The following SH3TC2 variants were observed in gnomAD, a reference collection of about 807,000 sequenced individuals.
The protein encoded by SH3TC2 is SH3 domain and tetratricopeptide repeat-containing protein 2.
SH3TC2 carries 87 observed loss-of-function variants against 124.5 expected under a neutral mutation model. The ratio of observed to expected loss-of-function variants is 0.70; its 90% confidence interval spans 0.59 to 0.84. SH3TC2 has a LOEUF of 0.84. SH3TC2 is among the 40% of genes least tolerant of loss of function. SH3TC2 has a pLI of 0.00. For synonymous variants in SH3TC2, 634 were observed against 628.5 expected, an observed-to-expected ratio of 1.01 and a Z score of -0.13; for missense variants, 1,536 against 1,566.4, an observed-to-expected ratio of 0.98 and a Z score of 0.33.
intron 13 of SH3TC2, among the ~76,000 whole-genome samples, chr5:149,011,675 G>T (rs982361523): frequency 6.6e-6 from 1 of 152,202 alleles, no homozygotes; most frequent in Middle Eastern, 3.2e-3. Flanking sequence ...TACATAGGAA[G>T]CATGCAATCA....
chr5:149,038,382 A>G lies in SH3TC2; in HGVS notation c.914T>C (p.Leu305Pro), dbSNP rs1299252562. The G allele has an allele frequency of 6.2e-6, 10 of 1,614,072 alleles. No individual in the cohort carries two copies. The highest frequency in any genetic ancestry group is 8.5e-6 in the Non-Finnish European group (10 of 1,180,038). ...TGTCGACTTTCCAATGAACCACTGAAGCCCAGGTATGACAAAGCCGATGAT... is the reference window on the plus strand; with the variant it reads ...TGTCGACTTTCCAATGAACCACTGAGGCCCAGGTATGACAAAGCCGATGAT... ...IEIIGFVIPG[L>P]QWFIGKSTSS... is the part of the protein sequence containing the mutation. The change falls in exon 8 of 17, where the codon CTT becomes CCT. Residue 305 changes from leucine (L) to proline (P), a missense_variant. Around this residue, in one of 3 missense-constraint regions of SH3TC2, gnomAD observed 1,102 missense variants for 1,098.6 expected, o/e 1.00. Transcript: ENST00000515425.
chr5:149,022,734 T>G (rs540294110), intron 12 of SH3TC2, among the ~76,000 whole-genome samples: 14 of 152,244 alleles, frequency 9.2e-5, no homozygotes, highest in Admixed American at 3.3e-4. Flanking sequence ...TTGATACATG[T>G]GACAACATGG....
At chr5:149,051,289 C>CT (rs1754551908) in intron 2 of SH3TC2, among the ~76,000 whole-genome samples, 1 of 152,226 alleles carries the variant, frequency 6.6e-6, no homozygotes, top group African/African-American at 2.4e-5. Context: ...AAGATTCGTA[C>CT]AGATGCCCTT....
rs148402978 is a variant in SH3TC2, at chr5:149,047,717, C to T, written c.279+145G>A. On this transcript the variant is annotated intron_variant, in intron 3 of 16. Coordinates refer to ENST00000515425, the MANE Select transcript of SH3TC2 (RefSeq NM_024577.4). Reference sequence around the variant, plus strand: ...TCCACTCCTGTGCAGAGAATGTGCACGGAATCTTTCATTCATTCAGTCTAC... The same window carrying T: ...TCCACTCCTGTGCAGAGAATGTGCATGGAATCTTTCATTCATTCAGTCTAC... 13,342 of 1,090,734 alleles carry T rather than the reference C, an allele frequency of 0.012. 135 individuals are homozygous for T. The highest frequency in any genetic ancestry group is 0.014 in the Non-Finnish European group (10,051 of 728,080). 67.6% of individuals were successfully genotyped at this position (1,090,734 alleles called of 1,614,324 possible).
chr5:149,010,512 A>G, intron 13 of SH3TC2, 120 bp from the exon 14 acceptor site: 1 of 1,336,328 alleles, frequency 7.5e-7, no homozygotes, highest in Non-Finnish European at 1.0e-6. Context: ...AGTCCCCCAA[A>G]TCCTAAATGT....
In SH3TC2 at chr5:149,000,430, C is replaced by T. The variant is rs1561754253; in HGVS notation, c.*4281G>A. 1.3e-5 allele frequency among the ~76,000 whole-genome samples: 2 copies of T among 152,206 alleles called. No individual in the cohort carries two copies. Among genetic ancestry groups the T allele is most frequent in the Non-Finnish European group, 2.9e-5 (2 of 68,032 alleles). ...TAGGCTGGGTGCTTGCAATGAGCAA[C>T]AGGACCTAGCTTGAAGTTAATGCAT... is the stretch of plus-strand genomic sequence containing the variant. On this transcript the variant is annotated 3_prime_UTR_variant, in exon 17 of 17. Coordinates refer to ENST00000515425, the MANE Select transcript of SH3TC2 (RefSeq NM_024577.4).
chr5:149,021,481 A>C (rs1263025466), intron 12 of SH3TC2, among the ~76,000 whole-genome samples: 1 of 152,120 alleles, frequency 6.6e-6, no homozygotes, highest in Non-Finnish European at 1.5e-5. Context: ...ATAAAGCCAA[A>C]ATTTAATTTG....
intron 12 of SH3TC2, chr5:149,026,210 G>A (rs1390885030): frequency 3.5e-6 from 1 of 283,742 alleles, no homozygotes; most frequent in Admixed American, 4.8e-5. Context: ...CCTGTGACAG[G>A]TGGTTATAGA....
At chr5:149,017,286 C>A (rs544301001) in intron 12 of SH3TC2, among the ~76,000 whole-genome samples, 4 of 152,134 alleles carry the variant, frequency 2.6e-5, no homozygotes, top group Non-Finnish European at 5.9e-5. Context: ...GGACCCCATC[C>A]GGCTCAGTTC....
Position 149,027,092 on chromosome 5 carries a change from G to A in SH3TC2, c.2640C>T (p.Ala880=), listed in dbSNP as rs755184913. 3 of 1,614,160 alleles carry A rather than the reference G, an allele frequency of 1.9e-6. No homozygotes were observed. In the East Asian group the frequency reaches 6.7e-5, roughly 36 times the overall value. Residue 880 remains alanine, a synonymous_variant, in exon 11 of 17, where the codon GCC becomes GCT. Transcript: ENST00000515425. ...ACTTAAGGCTCAGGTGGCCAAGATT[G>A]GCCATAGCCACTGCCTGGTTATGCA... ...GDVHNQAVAM[A]NLGHLSLKSW...
chr5:149,007,964 G>A (rs145762601), intron 15 of SH3TC2: 1 of 152,580 alleles, frequency 6.6e-6, no homozygotes. Context: ...GGGATAAAGA[G>A]TGCTCAGAGG....
rs1462510134 is a variant in SH3TC2 at position 148,988,148 on chromosome 5, G to A, written c.*16563C>T. ...GGTAATAAAAACTCTATGCACACAG[G>A]CTAGAAGTTGAGTGGTGGAAGATTC... On this transcript the variant is annotated 3_prime_UTR_variant, in exon 17 of 17. Coordinates refer to ENST00000515425, the MANE Select transcript of SH3TC2 (RefSeq NM_024577.4). 6.6e-6 allele frequency among the ~76,000 whole-genome samples: 1 copy of A among 152,122 alleles called. No individual in the cohort carries two copies. Among genetic ancestry groups the A allele is most frequent in the Non-Finnish European group, 1.5e-5 (1 of 68,018 alleles).
At chr5:149,018,704 T>G (rs1230271413) in intron 12 of SH3TC2, among the ~76,000 whole-genome samples, 4 of 152,212 alleles carry the variant, frequency 2.6e-5, no homozygotes, top group South Asian at 2.1e-4. Context: ...AGCCAAACCA[T>G]GTCACTACTC....
intron 15 of SH3TC2, chr5:149,007,904 G>A (rs984764287): frequency 1.3e-5 from 2 of 152,572 alleles, no homozygotes; most frequent in African/African-American, 4.8e-5. Flanking sequence ...CACAGGGGAA[G>A]TACTTATATA....
intron 5 of SH3TC2, 138 bp downstream of exon 5, chr5:149,042,556 C>T: frequency 9.8e-7 from 1 of 1,021,450 alleles, no homozygotes; most frequent in South Asian, 1.3e-5. Flanking sequence ...GTTCAAAGTA[C>T]TATTATAACA....
chr5:149,057,029 C>T (rs1006083086), intron 1 of SH3TC2, among the ~76,000 whole-genome samples: 11 of 152,022 alleles, frequency 7.2e-5, no homozygotes, highest in Middle Eastern at 3.4e-3. Context: ...TCTAATTTTT[C>T]TTTTTTTATA....
chr5:149,006,355 A>T (rs1438777261), intron 16 of SH3TC2: 1 of 119,354 alleles, frequency 8.4e-6, no homozygotes, highest in Non-Finnish European at 1.9e-5. Context: ...ACTTAGTTTA[A>T]AGGCCCCATA....
At chr5:149,006,807 C>T in intron 16 of SH3TC2, 74 bp downstream of exon 16, 1 of 1,467,190 alleles carries the variant, frequency 6.8e-7, no homozygotes, top group Non-Finnish European at 9.5e-7. Context: ...ACAAAGGCTC[C>T]TCATTGTCTT....
At position 149,003,629 on chromosome 5, in the gene SH3TC2, C is replaced by T. The variant is rs1753632173; in HGVS notation, c.*1082G>A. On this transcript the variant is annotated 3_prime_UTR_variant, in exon 17 of 17. Transcript: ENST00000515425. ...ATGAGATTATAAGTGTTTTAGGCCA[C>T]TCAGTGTGCTATGCAGTGATGTTAT... 1 of 229,800 alleles carries T rather than the reference C, an allele frequency of 4.4e-6. No individual in the cohort carries two copies. Among genetic ancestry groups the T allele is most frequent in the Non-Finnish European group, 9.1e-6 (1 of 110,064 alleles). The allele number at this position is 229,800 out of a possible 1,614,324, so 14.2% of individuals were successfully genotyped here.
Sources: gnomAD v4.1 joint callset for allele counts (sites outside exome capture counted in the v4.1 genomes callset) on GRCh38, gnomAD v4.1.1 for gene constraint, gnomAD v4.1.1 regional missense constraint, MANE v1.5 for transcripts, NCBI Gene and HGNC (gene_info 2026-07-23, HGNC 2026-07-21) for gene names.